GALNTL6: variants seen among roughly 807,000 people sequenced by gnomAD.
The protein encoded by GALNTL6 is polypeptide N-acetylgalactosaminyltransferase like 6.
A neutral mutation model predicts 73.7 loss-of-function variants in GALNTL6; 46 were observed. The ratio of observed to expected loss-of-function variants is 0.62; its 90% CI spans 0.49 to 0.80. GALNTL6 has a LOEUF of 0.80. Ranked by LOEUF, GALNTL6 falls within the 30% of genes least tolerant of loss-of-function variation. The probability of loss-of-function intolerance (pLI) is 0.00; values close to 1 mark genes in which losing one functional copy is unlikely to be tolerated. For synonymous variants in GALNTL6, 259 were observed against 263.7 expected (o/e 0.98, Z 0.17); for missense variants, 604 against 755.0 (o/e 0.80, Z 2.34).
chr4:172,413,551 G>A (rs562715442), intron 5 of GALNTL6, among the ~76,000 whole-genome samples: 21 of 152,164 alleles, frequency 1.4e-4, no homozygotes, highest in African/African-American at 4.8e-4. Context: ...ATGGCAGCAT[G>A]AACTGAGATT....
At chr4:172,983,200 C>G (rs946840927) in intron 10 of GALNTL6, among the ~76,000 whole-genome samples, 5 of 152,152 alleles carry the variant, frequency 3.3e-5, no homozygotes, top group Non-Finnish European at 5.9e-5. Flanking sequence ...TAAGCCACCA[C>G]AAGCCAAGGA....
chr4:173,000,880 C>G (rs1752016628), intron 10 of GALNTL6, among the ~76,000 whole-genome samples: 1 of 152,092 alleles, frequency 6.6e-6, no homozygotes, highest in African/African-American at 2.4e-5. Flanking sequence ...TATGTCTCCC[C>G]AAAATTTATA....
chr4:171,845,693 G>A (rs1026432557), intron 2 of GALNTL6, among the ~76,000 whole-genome samples: 1 of 152,094 alleles, frequency 6.6e-6, no homozygotes, highest in Non-Finnish European at 1.5e-5. Context: ...ACACAAGATG[G>A]AAGGAGACCA....
intron 2 of GALNTL6, among the ~76,000 whole-genome samples, chr4:172,213,746 T>C (rs770195693): frequency 6.6e-6 from 1 of 152,178 alleles, no homozygotes; most frequent in Non-Finnish European, 1.5e-5. Flanking sequence ...TTTTACAATG[T>C]CTTTCCATTT....
At chr4:172,748,545 G>T (rs1231375513) in intron 5 of GALNTL6, among the ~76,000 whole-genome samples, 1 of 152,022 alleles carries the variant, frequency 6.6e-6, no homozygotes, top group Non-Finnish European at 1.5e-5. Flanking sequence ...GCTGTATGTG[G>T]AATCTAAAAA....
intron 7 of GALNTL6, among the ~76,000 whole-genome samples, chr4:172,824,412 A>G (rs556332038): frequency 2.0e-5 from 3 of 149,282 alleles, no homozygotes; most frequent in East Asian, 4.0e-4. Flanking sequence ...GTGTGTGTTC[A>G]TGTGTGTGTG....
intron 7 of GALNTL6, among the ~76,000 whole-genome samples, chr4:172,862,240 C>T (rs1358531622): frequency 6.6e-6 from 1 of 152,166 alleles, no homozygotes; most frequent in African/African-American, 2.4e-5. Context: ...AGATGAACCA[C>T]TTGTTGGGAA....
At chr4:172,229,126 TG>T (rs1175772765) in intron 2 of GALNTL6, among the ~76,000 whole-genome samples, 1 of 152,082 alleles carries the variant, frequency 6.6e-6, no homozygotes, top group Non-Finnish European at 1.5e-5. Flanking sequence ...GGCAGAAAAA[TG>T]GGGATTTACA....
At chr4:172,276,588 A>G (rs1738840272) in intron 3 of GALNTL6, among the ~76,000 whole-genome samples, 1 of 152,180 alleles carries the variant, frequency 6.6e-6, no homozygotes, top group Admixed American at 6.5e-5. Flanking sequence ...CAGCACCACA[A>G]TTTGGTGATA....
At chr4:172,681,419 G>A (rs1184507997) in intron 5 of GALNTL6, among the ~76,000 whole-genome samples, 8 of 151,966 alleles carry the variant, frequency 5.3e-5, no homozygotes, top group South Asian at 4.1e-4. Context: ...GTCCAATGAC[G>A]TTTAGTGTGT....
At chr4:172,735,078 G>A (rs112268800) in intron 5 of GALNTL6, among the ~76,000 whole-genome samples, 11 of 152,284 alleles carry the variant, frequency 7.2e-5, no homozygotes, top group African/African-American at 2.4e-4. Flanking sequence ...CCCCACTGTG[G>A]CACTGCCTAG....
chr4:172,905,591 A>G (rs1422594093), intron 8 of GALNTL6, among the ~76,000 whole-genome samples: 1 of 152,080 alleles, frequency 6.6e-6, no homozygotes, highest in East Asian at 1.9e-4. Context: ...TAACCTCATT[A>G]CAGAACTTCT....
intron 5 of GALNTL6, among the ~76,000 whole-genome samples, chr4:172,434,742 A>G (rs1019912056): frequency 6.6e-6 from 1 of 152,168 alleles, no homozygotes; most frequent in Non-Finnish European, 1.5e-5. Context: ...CTTATTGGTC[A>G]AAATATCTTT....
At chr4:172,344,442 C>T in intron 4 of GALNTL6, among the ~76,000 whole-genome samples, 1 of 152,126 alleles carries the variant, frequency 6.6e-6, no homozygotes, top group East Asian at 1.9e-4. Flanking sequence ...AAGGAGCTGG[C>T]TTTCCTTAGA....
intron 2 of GALNTL6, among the ~76,000 whole-genome samples, chr4:171,865,298 G>A (rs982351663): frequency 2.6e-5 from 4 of 152,138 alleles, no homozygotes; most frequent in Admixed American, 1.3e-4. Context: ...ATGGGTGCTG[G>A]CTGAAAGGTG....
intron 5 of GALNTL6, among the ~76,000 whole-genome samples, chr4:172,653,331 T>C (rs1212329003): frequency 6.6e-6 from 1 of 151,794 alleles, no homozygotes; most frequent in Non-Finnish European, 1.5e-5. Flanking sequence ...GTGATTCTCC[T>C]GCCTCAGCCT....
At chr4:172,453,296 T>C (rs1456137543) in intron 5 of GALNTL6, among the ~76,000 whole-genome samples, 1 of 152,146 alleles carries the variant, frequency 6.6e-6, no homozygotes, top group East Asian at 1.9e-4. Flanking sequence ...AGGCAAGTTT[T>C]TAGTTGGGGA....
At chr4:171,831,702 A>C (rs905457382) in intron 2 of GALNTL6, among the ~76,000 whole-genome samples, 16 of 151,808 alleles carry the variant, frequency 1.1e-4, no homozygotes, top group Non-Finnish European at 2.4e-4. Flanking sequence ...TTTTTCCTTA[A>C]TGTTACCAGC....
chr4:172,177,380 A>G (rs1735032670), intron 2 of GALNTL6, among the ~76,000 whole-genome samples: 1 of 152,164 alleles, frequency 6.6e-6, no homozygotes, highest in Admixed American at 6.5e-5. Flanking sequence ...GATAATGAAT[A>G]GGTATTACCT....
Sources: allele counts gnomAD v4.1 joint callset (sites outside exome capture counted in the v4.1 genomes callset), GRCh38; gene constraint gnomAD v4.1.1; transcripts MANE v1.5; gene names NCBI Gene and HGNC (gene_info 2026-07-23, HGNC 2026-07-21).